The following MIPOL1 variants were observed in gnomAD, a reference collection of about 807,000 sequenced individuals.
The protein encoded by MIPOL1 is mirror-image polydactyly gene 1 protein.
MIPOL1 carries 57 observed loss-of-function variants against 60.9 expected under a neutral mutation model. The ratio of observed to expected loss-of-function variants is 0.94; its 90% CI spans 0.76 to 1.17. MIPOL1 has a LOEUF of 1.17. Among genes scored for constraint, MIPOL1 ranks in the 50% most tolerant of loss-of-function variants. MIPOL1 has a pLI of 0.00. For missense variants in MIPOL1, 551 were observed against 511.6 expected, an observed-to-expected ratio of 1.08 and a Z score of -0.74; for synonymous variants, 179 against 168.8, an observed-to-expected ratio of 1.06 and a Z score of -0.47.
At chr14:37,378,564 T>C (rs896496053) in intron 10 of MIPOL1, among the ~76,000 whole-genome samples, 3 of 151,666 alleles carry the variant, frequency 2.0e-5, no homozygotes, top group African/African-American at 7.3e-5. Context: ...TTTATAGTGA[T>C]GTAACCATTC....
rs528227887 is a variant in MIPOL1 at position 37,364,735 on chromosome 14, G to T, written c.829-4782G>T. ...TCTTCTGGTTCCATATACATTTTGG[G>T]ATTGTTTTTTCTATTTCTGTGAAGA... On this transcript the variant is annotated intron_variant, in intron 9 of 12. Transcript: ENST00000684589. Among the ~76,000 whole-genome samples, 190 of 152,166 alleles carry T rather than the reference G, an allele frequency of 1.2e-3. 4 individuals carry two copies. The highest frequency in any genetic ancestry group is 3.3e-3 in the South Asian group (16 of 4,820).
chr14:37,334,462 TAG>T (rs1475411157), intron 9 of MIPOL1, among the ~76,000 whole-genome samples: 1 of 151,998 alleles, frequency 6.6e-6, no homozygotes, highest in Non-Finnish European at 1.5e-5. Flanking sequence ...ACAGTAGAAA[TAG>T]ATTCATTCAT....
At chr14:37,536,250 C>T (rs993399948) in intron 12 of MIPOL1, among the ~76,000 whole-genome samples, 1 of 152,088 alleles carries the variant, frequency 6.6e-6, no homozygotes, top group Admixed American at 6.6e-5. Context: ...TTCTAAGATA[C>T]GTGTATATCC....
chr14:37,452,941 A>G (rs1440260694), intron 11 of MIPOL1, among the ~76,000 whole-genome samples: 1 of 152,152 alleles, frequency 6.6e-6, no homozygotes, highest in Non-Finnish European at 1.5e-5. Flanking sequence ...TTCCTTAGGT[A>G]TTTTTAGATA....
At chr14:37,382,521 A>G (rs2092951908) in intron 10 of MIPOL1, among the ~76,000 whole-genome samples, 1 of 152,024 alleles carries the variant, frequency 6.6e-6, no homozygotes, top group Non-Finnish European at 1.5e-5. Flanking sequence ...ATACCAAACT[A>G]ATCTTTATTT....
intron 11 of MIPOL1, among the ~76,000 whole-genome samples, chr14:37,497,372 G>T (rs1013904014): frequency 6.6e-6 from 1 of 152,300 alleles, no homozygotes; most frequent in Non-Finnish European, 1.5e-5. Flanking sequence ...GGCAAATGCT[G>T]AATTCCCAAA....
chr14:37,524,583 T>TG (rs2095435324), intron 12 of MIPOL1, among the ~76,000 whole-genome samples: 1 of 146,116 alleles, frequency 6.8e-6, no homozygotes, highest in Non-Finnish European at 1.5e-5. Context: ...TTTTTTTTTT[T>TG]TTGAGATGGA....
At chr14:37,514,565 A>G (rs1241496388) in intron 12 of MIPOL1, among the ~76,000 whole-genome samples, 2 of 152,088 alleles carry the variant, frequency 1.3e-5, no homozygotes, top group African/African-American at 2.4e-5. Context: ...TGTTGTCTCT[A>G]TTATTAAACA....
intron 10 of MIPOL1, among the ~76,000 whole-genome samples, chr14:37,394,747 A>G (rs372022037): frequency 1.3e-5 from 2 of 152,046 alleles, no homozygotes; most frequent in African/African-American, 4.8e-5. Flanking sequence ...TCCTTTTGCC[A>G]TACAAAACCT....
intron 12 of MIPOL1, among the ~76,000 whole-genome samples, chr14:37,509,308 T>C (rs750287916): frequency 2.0e-5 from 3 of 151,874 alleles, no homozygotes; most frequent in Admixed American, 6.6e-5. Context: ...TTTATATATA[T>C]ATTATATGTA....
At chr14:37,540,727 C>A (rs1034829794) in intron 12 of MIPOL1, among the ~76,000 whole-genome samples, 1 of 152,140 alleles carries the variant, frequency 6.6e-6, no homozygotes, top group African/African-American at 2.4e-5. Context: ...CTGAATGTGT[C>A]ACACTCACAT....
chr14:37,513,366 A>G (rs1350542841), intron 12 of MIPOL1, among the ~76,000 whole-genome samples: 1 of 152,162 alleles, frequency 6.6e-6, no homozygotes, highest in Admixed American at 6.5e-5. Context: ...TGATTTTATT[A>G]TACACATAGA....
At chr14:37,355,489 T>C (rs917929876) in intron 9 of MIPOL1, among the ~76,000 whole-genome samples, 2 of 151,420 alleles carry the variant, frequency 1.3e-5, no homozygotes, top group African/African-American at 4.9e-5. Flanking sequence ...CTGGATAATA[T>C]CCTGCAGAGT....
At chr14:37,454,374 G>A (rs2094454341) in intron 11 of MIPOL1, among the ~76,000 whole-genome samples, 1 of 152,194 alleles carries the variant, frequency 6.6e-6, no homozygotes, top group Non-Finnish European at 1.5e-5. Context: ...CACAGAAGGT[G>A]TAGTGATAGT....
chr14:37,293,376 C>A (rs2085285012), intron 7 of MIPOL1, among the ~76,000 whole-genome samples: 1 of 152,104 alleles, frequency 6.6e-6, no homozygotes, highest in Admixed American at 6.5e-5. Context: ...CAGCTCCCAG[C>A]ATGAGTGATG....
intron 11 of MIPOL1, among the ~76,000 whole-genome samples, chr14:37,493,351 C>A (rs1038354324): frequency 1.3e-5 from 2 of 152,030 alleles, no homozygotes; most frequent in East Asian, 3.9e-4. Flanking sequence ...CCTTATAATT[C>A]CAAGTTACAT....
At chr14:37,320,835 T>A (rs1160699587) in intron 9 of MIPOL1, among the ~76,000 whole-genome samples, 1 of 152,076 alleles carries the variant, frequency 6.6e-6, no homozygotes, top group Non-Finnish European at 1.5e-5. Context: ...CTCAGCATCA[T>A]GCAATTAATG....
chr14:37,221,992 T>A (rs1968856540), intron 1 of MIPOL1, among the ~76,000 whole-genome samples: 1 of 151,730 alleles, frequency 6.6e-6, no homozygotes, highest in Non-Finnish European at 1.5e-5. Flanking sequence ...AATAAATAAA[T>A]AAATAAATAA....
At chr14:37,285,577 C>T in intron 7 of MIPOL1, 130 bp downstream of exon 7, 2 of 862,598 alleles carry the variant, frequency 2.3e-6, no homozygotes, top group Non-Finnish European at 3.3e-6. Context: ...TGTCTCCAGT[C>T]TTTTTCTTTT....
Sources: gnomAD v4.1 joint callset for allele counts (sites outside exome capture counted in the v4.1 genomes callset) on GRCh38, gnomAD v4.1.1 for gene constraint, MANE v1.5 for transcripts, NCBI Gene and HGNC (gene_info 2026-07-23, HGNC 2026-07-21) for gene names.